The following DPH7 variants were observed in gnomAD, a reference collection of about 807,000 sequenced individuals.
DPH7 encodes the protein diphthamide biosynthesis 7.
A neutral mutation model predicts 41.7 loss-of-function variants in DPH7; 44 were observed. The ratio of observed to expected loss-of-function variants is 1.05; its 90% confidence interval spans 0.83 to 1.36. The LOEUF is 1.36. Among genes scored for constraint, DPH7 ranks in the 40% most tolerant of loss-of-function variants. The pLI is 0.00. For synonymous variants in DPH7, 275 were observed against 238.0 expected (o/e 1.16, Z -1.43); for missense variants, 629 against 577.5 (o/e 1.09, Z -0.91).
chr9:137,575,495 C>T, intron 3 of DPH7: 1 of 991,126 alleles, frequency 1.0e-6, no homozygotes, highest in African/African-American at 1.7e-5. Context: ...TCTAAGCTGC[C>T]TTAAGCAAGG....
intron 4 of DPH7, 41 bp from the exon 5 acceptor site, chr9:137,574,421 A>T (rs1264085393): frequency 3.7e-6 from 6 of 1,600,008 alleles, no homozygotes; most frequent in Non-Finnish European, 5.1e-6. Flanking sequence ...GCAGAATGTT[A>T]TTCGTCAGCC....
At position 137,576,520 on chromosome 9, in the gene DPH7, T is replaced by A. The variant is rs537437341; in HGVS notation, c.288-353A>T. The A allele has an allele frequency of 6.3e-5, 15 of 237,806 alleles. No individual in the cohort carries two copies. In the East Asian group the frequency reaches 1.3e-3, roughly 20 times the overall value. The allele number at this position is 237,806 out of a possible 1,614,324, so 14.7% of individuals were successfully genotyped here. A position where few individuals can be genotyped will look rare whatever the true frequency, so the allele number is the denominator to read the frequency against. On this transcript the variant is annotated intron_variant, in intron 2 of 8. Transcript: ENST00000277540. ...TGGGAAGCTGAGGTAGGAGGATGAC[T>A]TGAGGTAAGGAGTTCGAAACCAGCC... is the stretch of plus-strand genomic sequence containing the variant.
At chr9:137,557,178 G>C (rs1837659018) in intron 8 of DPH7, among the ~76,000 whole-genome samples, 1 of 152,174 alleles carries the variant, frequency 6.6e-6, no homozygotes, top group Admixed American at 6.5e-5. Context: ...TGCTGTGACT[G>C]CGAGTGTCAG....
chr9:137,564,826 G>A (rs1443084977), intron 7 of DPH7, 67 bp downstream of exon 7: 20 of 1,530,812 alleles, frequency 1.3e-5, no homozygotes, highest in Admixed American at 7.7e-5. Flanking sequence ...GAGGGAAGAA[G>A]GGCCCAGGAG....
chr9:137,569,347 A>C (rs1176115667), intron 5 of DPH7, among the ~76,000 whole-genome samples: 3 of 86,936 alleles, frequency 3.5e-5, no homozygotes, highest in African/African-American at 1.4e-4. Flanking sequence ...CCATCTACCC[A>C]CTATCCATCC....
chr9:137,574,426 T>A, intron 4 of DPH7, 46 bp from the exon 5 acceptor site: 1 of 1,595,788 alleles, frequency 6.3e-7, no homozygotes. Context: ...ATGTTATTCG[T>A]CAGCCTCTTC....
intron 8 of DPH7, among the ~76,000 whole-genome samples, chr9:137,562,545 T>C (rs550727119): frequency 6.6e-6 from 1 of 152,348 alleles, no homozygotes; most frequent in Admixed American, 6.5e-5. Flanking sequence ...AATGTATGGG[T>C]TGCAGCAAAA....
At chr9:137,571,885 G>A (rs2133126279) in intron 5 of DPH7, among the ~76,000 whole-genome samples, 1 of 152,234 alleles carries the variant, frequency 6.6e-6, no homozygotes, top group South Asian at 2.1e-4. Context: ...CTAGAATAGG[G>A]CTCAGCACAT....
intron 8 of DPH7, 44 bp downstream of exon 8, chr9:137,564,390 T>A: frequency 6.3e-7 from 1 of 1,582,130 alleles, no homozygotes; most frequent in Non-Finnish European, 8.6e-7. Flanking sequence ...GGCAGGGAAC[T>A]GGTGCCCTGC....
At position 137,564,543 on chromosome 9, in the gene DPH7, A is replaced by G. The variant is rs570985439; in HGVS notation, c.840T>C (p.Pro280=). 14 of 1,614,134 alleles carry G rather than the reference A, an allele frequency of 8.7e-6. No individual in the cohort carries two copies. In the South Asian group the frequency reaches 1.5e-4, roughly 18 times the overall value. Residue 280 remains proline, a synonymous_variant, in exon 8 of 9, where the codon CCT becomes CCC. Transcript: ENST00000277540. ...TGATTCTCCATACCCCACCCTGCAC[A>G]GGCGTATCTGCCAACGGCTGCTTCA... ...RNMKQPLADT[P]VQGGVWRIKW...
intron 5 of DPH7, chr9:137,565,370 T>A (rs1351107247): frequency 1.6e-5 from 2 of 128,732 alleles, no homozygotes; most frequent in African/African-American, 2.2e-4. Context: ...GGTGACTCTG[T>A]CTGTGAGGAA....
At chr9:137,576,048 T>C (rs1341101982) in intron 3 of DPH7, 32 bp downstream of exon 3, 4 of 1,613,536 alleles carry the variant, frequency 2.5e-6, no homozygotes, top group South Asian at 1.1e-5. Context: ...TCAGGTCCCT[T>C]CTGCCCCACA....
intron 5 of DPH7, among the ~76,000 whole-genome samples, chr9:137,569,374 T>TCCACCATCCACCACCCACGAC (rs1839987384): frequency 9.6e-6 from 1 of 104,088 alleles, no homozygotes; most frequent in Non-Finnish European, 1.8e-5. Context: ...CCACCATCCA[T>TCCACCATCCACCACCCACGAC]CCACCACCCA....
rs1246908703 is a variant in DPH7, at chr9:137,574,810, CAA to C, written c.407_408del (p.Leu136ArgfsTer32). On this transcript the variant is annotated frameshift_variant, in exon 4 of 9. Transcript: ENST00000277540. LOFTEE classifies it high-confidence loss of function. Reference sequence around the variant, plus strand: ...AAAGCCAGACACTGCTCCTCCAGGGCAAGGCTGGACAATGGCTCCAGCACGTG... The same window carrying C: ...AAAGCCAGACACTGCTCCTCCAGGGCGGCTGGACAATGGCTCCAGCACGTG... Reference protein sequence around the residue: ...KSHVLEPLSSLALEEQCLALS... With the variant: ...KSHVLEPLSSXALEEQCLALS... 3 of 1,614,066 alleles carry C rather than the reference CAA, an allele frequency of 1.9e-6. No homozygotes were observed. In the East Asian group the frequency reaches 6.7e-5, roughly 36 times the overall value.
intron 1 of DPH7, among the ~76,000 whole-genome samples, chr9:137,578,340 ATT>A (rs1026380300): frequency 6.6e-6 from 1 of 151,612 alleles, no homozygotes; most frequent in Non-Finnish European, 1.5e-5. Context: ...ATTGTTTTGT[ATT>A]TTTTTAGTAG....
chr9:137,559,470 G>A (rs1185716726), intron 8 of DPH7, among the ~76,000 whole-genome samples: 1 of 152,196 alleles, frequency 6.6e-6, no homozygotes, highest in Non-Finnish European at 1.5e-5. Context: ...CTTGTGGAGG[G>A]CCTGACATCA....
At chr9:137,569,348 C>T (rs1438208724) in intron 5 of DPH7, among the ~76,000 whole-genome samples, 1 of 124,336 alleles carries the variant, frequency 8.0e-6, no homozygotes, top group Non-Finnish European at 1.7e-5. Flanking sequence ...CATCTACCCA[C>T]TATCCATCCA....
chr9:137,555,242 G>C lies in DPH7; in HGVS notation c.1356C>G (p.Asn452Lys), dbSNP rs1837250626. 1 of 1,591,748 alleles carries C rather than the reference G, an allele frequency of 6.3e-7. No individual in the cohort carries two copies. The highest frequency in any genetic ancestry group is 8.6e-7 in the Non-Finnish European group (1 of 1,166,918). Residue 452 changes from asparagine (N) to lysine (K), a missense_variant, in exon 9 of 9, where the codon AAC becomes AAG. Transcript: ENST00000277540. ...HALHLWEWEG[N>K] ...AAGGGGCTTCATGATTTCAAGCTCA[G>C]TTCCCCTCCCACTCCCAGAGGTGGA... is the stretch of plus-strand genomic sequence containing the variant.
intron 8 of DPH7, among the ~76,000 whole-genome samples, chr9:137,562,798 C>T (rs1430323094): frequency 1.3e-5 from 2 of 151,862 alleles, no homozygotes; most frequent in Admixed American, 1.3e-4. Context: ...GAAACCCCGT[C>T]TCTACTAAAA....
Sources: gnomAD v4.1 joint callset for allele counts (sites outside exome capture counted in the v4.1 genomes callset) on GRCh38, gnomAD v4.1.1 for gene constraint, MANE v1.5 for transcripts, NCBI Gene and HGNC (gene_info 2026-07-23, HGNC 2026-07-21) for gene names.